The following CEBPZOS variants were observed in gnomAD, a reference collection of about 807,000 sequenced individuals.
CEBPZOS encodes CEBPZ opposite strand, also known as protein CEBPZOS.
CEBPZOS carries 10 observed loss-of-function variants against 4.8 expected under a neutral mutation model. That is an observed-to-expected ratio of 2.07 (90% confidence interval 1.28 to 3.52). The LOEUF (loss-of-function observed/expected upper bound fraction) is 3.52. Ranked by LOEUF, CEBPZOS falls within the 30% of genes most tolerant of loss-of-function variation. The probability of loss-of-function intolerance (pLI) is 0.00; values close to 1 mark genes in which losing one functional copy is unlikely to be tolerated. For missense variants in CEBPZOS, 98 were observed against 43.6 expected, an observed-to-expected ratio of 2.25 and a Z score of -3.51; for synonymous variants, 25 against 14.2, an observed-to-expected ratio of 1.77 and a Z score of -1.72.
At chr2:37,201,306 A>T in intron 3 of CEBPZOS, 1 of 539,166 alleles carries the variant, frequency 1.9e-6, no homozygotes, top group Non-Finnish European at 3.3e-6. Flanking sequence ...TAAACTCTGG[A>T]ATCATTCATA....
chr2:37,197,955 G>A (rs948765014), intron 1 of CEBPZOS, among the ~76,000 whole-genome samples: 11 of 152,192 alleles, frequency 7.2e-5, no homozygotes, highest in African/African-American at 2.7e-4. Flanking sequence ...GAGCTCAGGA[G>A]TTGGGGACCA....
intron 1 of CEBPZOS, among the ~76,000 whole-genome samples, chr2:37,198,023 G>C (rs1677034298): frequency 6.6e-6 from 1 of 152,008 alleles, no homozygotes. Flanking sequence ...TGCTGGGCCT[G>C]GTGGCGGGAG....
At chr2:37,199,618 G>T in intron 1 of CEBPZOS, 86 bp from the exon 2 acceptor site, 1 of 662,704 alleles carries the variant, frequency 1.5e-6, no homozygotes, top group South Asian at 1.7e-5. Context: ...TTCAAACTGT[G>T]GGAATGAATT....
intron 2 of CEBPZOS, among the ~76,000 whole-genome samples, chr2:37,200,195 C>T (rs921395518): frequency 6.6e-6 from 1 of 152,142 alleles, no homozygotes; most frequent in South Asian, 2.1e-4. Flanking sequence ...TTCTGAGTAA[C>T]CAGTTTTCTC....
At chr2:37,208,146 A>C (rs1386483929), downstream of CEBPZOS, among the ~76,000 whole-genome samples, 1 of 152,178 alleles carries the variant, frequency 6.6e-6, no homozygotes, top group African/African-American at 2.4e-5. Context: ...AGCACGACTG[A>C]AACAGTAATA....
chr2:37,199,755 G>A lies in CEBPZOS; in HGVS notation c.51G>A (p.Leu17=). ...PLAKKIFKGV[L]VAELVGVFGA... is the part of the protein sequence containing the mutation. ...CAAAGAAGATCTTTAAAGGAGTTTTGGTAGCCGAACTTGTAGGCGTTTTTG... is the reference window on the plus strand; with the variant it reads ...CAAAGAAGATCTTTAAAGGAGTTTTAGTAGCCGAACTTGTAGGCGTTTTTG... The change falls in exon 2 of 5, where the codon TTG becomes TTA. Residue 17 remains leucine, a synonymous_variant. Coordinates refer to ENST00000402297, the MANE Select transcript of CEBPZOS (RefSeq NM_001322374.2). The A allele has an allele frequency of 5.6e-6, 4 of 717,522 alleles. No individual in the cohort carries two copies. Among genetic ancestry groups the A allele is most frequent in the Non-Finnish European group, 7.8e-6 (3 of 385,090 alleles). 44.4% of individuals were successfully genotyped at this position (717,522 alleles called of 1,614,324 possible).
At chr2:37,205,814 T>C (rs955536145), downstream of CEBPZOS, among the ~76,000 whole-genome samples, 4 of 152,212 alleles carry the variant, frequency 2.6e-5, no homozygotes. Flanking sequence ...TATTAGCACC[T>C]TGTGTTACAC....
chr2:37,211,924 C>G (rs1677732637), intron 4 of CEBPZOS: 3 of 1,613,532 alleles, frequency 1.9e-6, no homozygotes, highest in Non-Finnish European at 2.5e-6. Context: ...TCTTCATCAT[C>G]CATACTTCCT....
At chr2:37,198,943 C>T (rs74824362) in intron 1 of CEBPZOS, among the ~76,000 whole-genome samples, 2 of 152,058 alleles carry the variant, frequency 1.3e-5, no homozygotes, top group South Asian at 2.1e-4. Flanking sequence ...TGCTTGAGCT[C>T]ACGGGTTCGA....
chr2:37,201,291 G>C, intron 3 of CEBPZOS, 199 bp downstream of exon 3: 1 of 548,958 alleles, frequency 1.8e-6, no homozygotes, highest in Non-Finnish European at 3.2e-6. Context: ...TAGTGGTTAA[G>C]AATGTAAACT....
intron 4 of CEBPZOS, chr2:37,211,933 C>G (rs746008872): frequency 6.2e-7 from 1 of 1,613,698 alleles, no homozygotes; most frequent in Non-Finnish European, 8.5e-7. Context: ...TCCATACTTC[C>G]TAAAGAAACT....
rs966143774 is a variant in CEBPZOS at position 37,203,418 on chromosome 2, T to C, written c.*1558T>C. 2 of 153,022 alleles carry C rather than the reference T, an allele frequency of 1.3e-5. No individual in the cohort carries two copies. The highest frequency in any genetic ancestry group is 4.8e-5 in the African/African-American group (2 of 41,466). 9.5% of individuals were successfully genotyped at this position (153,022 alleles called of 1,614,324 possible). Reference sequence around the variant, plus strand: ...AAATTGACTGAAAGTATGTTTATTATGCTATAAATGAAGTTGTTTATAACA... The same window carrying C: ...AAATTGACTGAAAGTATGTTTATTACGCTATAAATGAAGTTGTTTATAACA... On this transcript the variant is annotated 3_prime_UTR_variant, in exon 5 of 5. Transcript: ENST00000402297.
At chr2:37,214,937 A>T, downstream of CEBPZOS, 1 of 1,608,046 alleles carries the variant, frequency 6.2e-7, no homozygotes, top group Non-Finnish European at 8.5e-7. Context: ...TTTTGCAAGG[A>T]ACTCCTTACT....
chr2:37,213,524 G>T, exon 5 of CEBPZOS: 1 of 173,678 alleles, frequency 5.8e-6, no homozygotes, highest in Non-Finnish European at 1.2e-5. Flanking sequence ...CGATTCTCGT[G>T]CCTCTGCTTC....
At chr2:37,212,136 A>G in intron 4 of CEBPZOS, 2 of 1,147,484 alleles carry the variant, frequency 1.7e-6, no homozygotes, top group Non-Finnish European at 2.5e-6. Context: ...AATGACTCAG[A>G]AGGAGAAAGC....
At chr2:37,207,901 G>C (rs60063142), downstream of CEBPZOS, among the ~76,000 whole-genome samples, 321 of 152,154 alleles carry the variant, frequency 2.1e-3, no homozygotes, top group African/African-American at 7.0e-3. Flanking sequence ...TAGACCATTA[G>C]CAAGATTAAC....
intron 1 of CEBPZOS, among the ~76,000 whole-genome samples, chr2:37,198,983 GTGTC>G (rs1195843736): frequency 6.6e-6 from 1 of 151,834 alleles, no homozygotes; most frequent in Admixed American, 6.6e-5. Context: ...GTGAGACCCT[GTGTC>G]TACTAAAAAT....
chr2:37,211,731 T>G, intron 4 of CEBPZOS: 5 of 717,324 alleles, frequency 7.0e-6, no homozygotes, highest in Non-Finnish European at 1.1e-5. Context: ...CTGGCTGACA[T>G]GAGTATTAAT....
Position 37,202,944 on chromosome 2 carries a change from C to T in CEBPZOS, c.*1084C>T, listed in dbSNP as rs746325522. ...CTAGCTTGTTAAAACAGTACATTAG[C>T]CTTACCTCTTCAGCAGATACAAATA... is the stretch of plus-strand genomic sequence containing the variant. On this transcript the variant is annotated 3_prime_UTR_variant, in exon 5 of 5. Transcript: ENST00000402297. 6 of 1,589,778 alleles carry T rather than the reference C, an allele frequency of 3.8e-6. No homozygotes were observed. The highest frequency in any genetic ancestry group is 5.1e-6 in the Non-Finnish European group (6 of 1,168,862).
Sources: allele counts gnomAD v4.1 joint callset (sites outside exome capture counted in the v4.1 genomes callset), GRCh38; gene constraint gnomAD v4.1.1; transcripts MANE v1.5; gene names NCBI Gene and HGNC (gene_info 2026-07-23, HGNC 2026-07-21).